USH2A: variants seen among roughly 807,000 people sequenced by gnomAD.
USH2A encodes usherin, also known as Usher syndrome 2A (autosomal recessive, mild).
USH2A carries 443 observed loss-of-function variants against 538.9 expected under a neutral mutation model. The observed-to-expected ratio is 0.82, with a 90% CI of 0.76 to 0.89. The LOEUF (loss-of-function observed/expected upper bound fraction) is 0.89, where lower values mean the gene tolerates loss of function less well. USH2A is among the 40% of genes least tolerant of loss of function. USH2A has a pLI of 0.00. For missense variants in USH2A, 6,633 were observed against 6,324.8 expected, an observed-to-expected ratio of 1.05 and a Z score of -1.65; for synonymous variants, 2,413 against 2,273.5, an observed-to-expected ratio of 1.06 and a Z score of -1.75.
chr1:216,301,534 G>T (rs962851524), intron 9 of USH2A, among the ~76,000 whole-genome samples: 1 of 152,116 alleles, frequency 6.6e-6, no homozygotes, highest in African/African-American at 2.4e-5. Flanking sequence ...GTGTTGACTG[G>T]AGTCACTCTG....
At chr1:216,214,225 A>G (rs1349563250) in intron 15 of USH2A, among the ~76,000 whole-genome samples, 1 of 149,228 alleles carries the variant, frequency 6.7e-6, no homozygotes, top group Non-Finnish European at 1.5e-5. Flanking sequence ...ATGCATGTCC[A>G]CACAGAGACT....
At position 216,077,924 on chromosome 1, in the gene USH2A, A is replaced by G. The variant is rs375223126; in HGVS notation, c.5572+165T>C. Among the ~76,000 whole-genome samples the G allele has an allele frequency of 7.9e-5, 12 of 152,164 alleles. 1 individual carries two copies. Among genetic ancestry groups the G allele is most frequent in the Admixed American group, 2.0e-4 (3 of 15,252 alleles). ...GGGTAACACACAAAACTCTTTGAAA[A>G]AGTGTTTTCATTAGTTTTTAAGGTT... is the stretch of plus-strand genomic sequence containing the variant. On this transcript the variant is annotated intron_variant, in intron 27 of 71. Coordinates refer to ENST00000307340, the MANE Select transcript of USH2A (RefSeq NM_206933.4).
At chr1:215,772,605 T>G (rs149901042) in intron 55 of USH2A, among the ~76,000 whole-genome samples, 197 of 152,326 alleles carry the variant, frequency 1.3e-3, no homozygotes, top group African/African-American at 4.5e-3. Flanking sequence ...AAAATATGAT[T>G]TGGAAAACAA....
chr1:216,075,831 G>A (rs1174632114), intron 27 of USH2A, among the ~76,000 whole-genome samples: 3 of 147,684 alleles, frequency 2.0e-5, no homozygotes, highest in Non-Finnish European at 3.0e-5. Context: ...TATCTGGTTC[G>A]GAGGAAGATT....
chr1:215,631,508 G>T (rs1006879430), intron 70 of USH2A, among the ~76,000 whole-genome samples: 3 of 152,154 alleles, frequency 2.0e-5, no homozygotes, highest in African/African-American at 7.2e-5. Flanking sequence ...GAGCAGTTTG[G>T]TTTAAAAATA....
In USH2A at chr1:215,888,463, G is replaced by C. The variant is rs1420866718; in HGVS notation, c.8186C>G (p.Pro2729Arg). 1 of 1,613,722 alleles carries C rather than the reference G, an allele frequency of 6.2e-7. No homozygotes were observed. Among genetic ancestry groups the C allele is most frequent in the Non-Finnish European group, 8.5e-7 (1 of 1,180,010 alleles). Reference protein sequence around the residue: ...TRPSRPAGVQPPVVTVLEPDA... With the variant: ...TRPSRPAGVQRPVVTVLEPDA... ...GGGTTCCAGCACTGTCACCACAGGTGGCTGCACCCCAGCAGGTCGTGAGGG... is the reference window on the plus strand; with the variant it reads ...GGGTTCCAGCACTGTCACCACAGGTCGCTGCACCCCAGCAGGTCGTGAGGG... Residue 2729 changes from proline to arginine, a missense_variant, in exon 41 of 72, where the codon CCA becomes CGA. Coordinates refer to ENST00000307340, the MANE Select transcript of USH2A (RefSeq NM_206933.4).
At chr1:216,232,390 A>G (rs2102523058) in intron 13 of USH2A, among the ~76,000 whole-genome samples, 1 of 152,300 alleles carries the variant, frequency 6.6e-6, no homozygotes, top group East Asian at 1.9e-4. Flanking sequence ...ATATTTCAAT[A>G]TTTCTACAAA....
At position 215,631,364 on chromosome 1, in the gene USH2A, A is replaced by T. The variant is rs959053323; in HGVS notation, c.15298-2329T>A. Among the ~76,000 whole-genome samples, 5 of 152,136 alleles carry T rather than the reference A, an allele frequency of 3.3e-5. 1 individual carries two copies. Among genetic ancestry groups the T allele is most frequent in the African/African-American group, 1.2e-4 (5 of 41,424 alleles). On this transcript the variant is annotated intron_variant, in intron 70 of 71. Coordinates refer to ENST00000307340, the MANE Select transcript of USH2A (RefSeq NM_206933.4). ...TATTCAGATTCTTCCCCTTGACTGG[A>T]TTCTTTCCCACCTGAGTAGATGAGG...
chr1:215,881,538 T>C (rs553947331), intron 41 of USH2A, among the ~76,000 whole-genome samples: 134 of 152,350 alleles, frequency 8.8e-4, no homozygotes, highest in African/African-American at 3.1e-3. Flanking sequence ...GGTCAAAATA[T>C]ATGAGATTAA....
chr1:215,921,142 CT>C (rs1448274781), intron 38 of USH2A, among the ~76,000 whole-genome samples: 1 of 152,008 alleles, frequency 6.6e-6, no homozygotes, highest in Non-Finnish European at 1.5e-5. Context: ...AATTAAGTCT[CT>C]TCACAAGAAT....
chr1:216,046,335 C>T, intron 32 of USH2A, 96 bp downstream of exon 32: 1 of 1,358,036 alleles, frequency 7.4e-7, no homozygotes, highest in East Asian at 2.4e-5. Flanking sequence ...ATTAAATTTG[C>T]AGATATGGAA....
chr1:216,109,165 A>G (rs1382157270), intron 21 of USH2A, among the ~76,000 whole-genome samples: 1 of 152,184 alleles, frequency 6.6e-6, no homozygotes, highest in African/African-American at 2.4e-5. Context: ...TTTCATAGGA[A>G]TCCACTTCTA....
chr1:215,958,320 A>T (rs956445361), intron 37 of USH2A, among the ~76,000 whole-genome samples: 1 of 152,106 alleles, frequency 6.6e-6, no homozygotes, highest in African/African-American at 2.4e-5. Flanking sequence ...GACATTCTAA[A>T]GCACTCTTTC....
chr1:215,750,069 T>A (rs561554288), intron 58 of USH2A, among the ~76,000 whole-genome samples: 1 of 152,320 alleles, frequency 6.6e-6, no homozygotes, highest in African/African-American at 2.4e-5. Flanking sequence ...AGTCTTTTTT[T>A]AGGAGCTGGA....
chr1:215,634,491 A>G lies in USH2A; in HGVS notation c.15265T>C (p.Leu5089=), dbSNP rs746439490. 21 of 1,614,096 alleles carry G rather than the reference A, an allele frequency of 1.3e-5. No homozygotes were observed. Among genetic ancestry groups the G allele is most frequent in the Non-Finnish European group, 1.6e-5 (19 of 1,180,050 alleles). The change falls in exon 70 of 72, where the codon TTG becomes CTG. Residue 5089 remains leucine (L), a synonymous_variant. Transcript: ENST00000307340. ...LVPLQKRMSP[L]NVYPPGENHM... ...TTTTCCCCCGGTGGGTAAACATTCA[A>G]TGGAGACATCCTCTTCTGAAGAGGT...
intron 37 of USH2A, among the ~76,000 whole-genome samples, chr1:215,960,708 A>C (rs1216366857): frequency 6.6e-6 from 1 of 152,080 alleles, no homozygotes; most frequent in Non-Finnish European, 1.5e-5. Context: ...ATACATTCTA[A>C]TATAACCAAG....
chr1:216,126,597 C>T (rs887043481), intron 21 of USH2A, among the ~76,000 whole-genome samples: 17 of 151,946 alleles, frequency 1.1e-4, no homozygotes, highest in Admixed American at 6.6e-5. Context: ...ACTATTTTAC[C>T]CCATTTGTAT....
intron 38 of USH2A, among the ~76,000 whole-genome samples, chr1:215,908,868 A>ATAT (rs1665703803): frequency 6.6e-6 from 1 of 151,590 alleles, no homozygotes; most frequent in Non-Finnish European, 1.5e-5. Flanking sequence ...ATATTAGTTG[A>ATAT]CTAATTGTTT....
chr1:215,979,949 T>C (rs1236658816), intron 35 of USH2A, among the ~76,000 whole-genome samples: 2 of 152,200 alleles, frequency 1.3e-5, no homozygotes, highest in Admixed American at 6.5e-5. Context: ...GTCTTGATTA[T>C]ATCAGAGTTA....
Sources: gnomAD v4.1 joint callset for allele counts (sites outside exome capture counted in the v4.1 genomes callset) on GRCh38, gnomAD v4.1.1 for gene constraint, MANE v1.5 for transcripts, NCBI Gene and HGNC (gene_info 2026-07-23, HGNC 2026-07-21) for gene names.